Variants in FUCA2 observed in about 807,000 individuals in gnomAD.
FUCA2 encodes the protein plasma alpha-L-fucosidase.
A neutral mutation model predicts 52.6 loss-of-function variants in FUCA2; 41 were observed. The ratio of observed to expected loss-of-function variants is 0.78; its 90% CI spans 0.61 to 1.01. The LOEUF is 1.01. Among genes scored for constraint, FUCA2 ranks in the 50% least tolerant of loss-of-function variants. FUCA2 has a pLI of 0.00. For missense variants in FUCA2, 507 were observed against 569.5 expected, an observed-to-expected ratio of 0.89 and a Z score of 1.12; for synonymous variants, 211 against 217.3, an observed-to-expected ratio of 0.97 and a Z score of 0.26.
Position 143,502,724 on chromosome 6 carries a change from T to A in FUCA2, c.753-159A>T. 1.6e-6 allele frequency: 1 copy of A among 625,604 alleles called. No homozygotes were observed. The allele number at this position is 625,604 out of a possible 1,614,324, so 38.8% of individuals were successfully genotyped here. On this transcript the variant is annotated intron_variant, in intron 3 of 6. Transcript: ENST00000002165. This position sits in a 1 kb window ranked among gnomAD's most constrained non-coding sequence, Gnocchi z 4.1. ...GGTTTTGAAGTCAAACAGACCTGAG[T>A]TGATTGGAGTTCTGGCTTTGTCACT...
Position 143,507,771 on chromosome 6 carries a change from G to T in FUCA2, c.225-347C>A, listed in dbSNP as rs972967204. 6.6e-6 allele frequency among the ~76,000 whole-genome samples: 1 copy of T among 152,062 alleles called. No individual in the cohort carries two copies. The highest frequency in any genetic ancestry group is 1.5e-5 in the Non-Finnish European group (1 of 68,032). Reference sequence around the variant, plus strand: ...TGCAACCTTGACCTCCTGTGCTCAAGCAATCCTCTCGCCTTAGCCTCCTGA... The same window carrying T: ...TGCAACCTTGACCTCCTGTGCTCAATCAATCCTCTCGCCTTAGCCTCCTGA... On this transcript the variant is annotated intron_variant, in intron 1 of 6. Coordinates refer to ENST00000002165, the MANE Select transcript of FUCA2 (RefSeq NM_032020.5). This position sits in a 1 kb window ranked among gnomAD's most constrained non-coding sequence, Gnocchi z 4.5.
Position 143,503,653 on chromosome 6 carries a change from C to T in FUCA2, c.752+260G>A. The T allele has an allele frequency of 5.4e-6, 2 of 369,396 alleles. No homozygotes were observed. The highest frequency in any genetic ancestry group is 4.9e-5 in the East Asian group (1 of 20,428). 22.9% of individuals were successfully genotyped at this position (369,396 alleles called of 1,614,324 possible). ...AAAAAGGGGGGACCCACAAAATTAA[C>T]ACCTTCAAAGTTCTTGATCCTGTGA... On this transcript the variant is annotated intron_variant, in intron 3 of 6. Coordinates refer to ENST00000002165, the MANE Select transcript of FUCA2 (RefSeq NM_032020.5). This position sits in a 1 kb window ranked among gnomAD's most constrained non-coding sequence, Gnocchi z 4.8.
In FUCA2 at chr6:143,510,159, C is replaced by A. The variant is rs893067792; in HGVS notation, c.224+1252G>T. 6.6e-6 allele frequency among the ~76,000 whole-genome samples: 1 copy of A among 152,028 alleles called. No individual in the cohort carries two copies. The highest frequency in any genetic ancestry group is 1.5e-5 in the Non-Finnish European group (1 of 68,006). ...ATTTAATTCTTGGACCCAGCAGAGACCCTAACAGAATGGAGGTGTAATTTT... is the reference window on the plus strand; with the variant it reads ...ATTTAATTCTTGGACCCAGCAGAGAACCTAACAGAATGGAGGTGTAATTTT... On this transcript the variant is annotated intron_variant, in intron 1 of 6. Transcript: ENST00000002165. This position sits in a 1 kb window ranked among gnomAD's most constrained non-coding sequence, Gnocchi z 4.4.
Position 143,507,401 on chromosome 6 carries a change from A to G in FUCA2, c.248T>C (p.Ile83Thr), listed in dbSNP as rs144272583. Residue 83 changes from isoleucine to threonine, a missense_variant, in exon 2 of 7, where the codon ATA (isoleucine) becomes ACA (threonine). Ile to Thr is a moderately conservative substitution (Grantham distance 89, BLOSUM62 -1). Transcript: ENST00000002165. The surrounding 1 kb of genome is among the most constrained non-coding windows in gnomAD (Gnocchi z 4.5). The stretch of plus-strand genomic sequence containing the variant: ...TTTCATAAATTCCACATACTTCGGT[A>G]TCTTTTCCTTTTGCCAATACCACCT... Reference protein sequence around the residue: ...WFWWYWQKEKIPKYVEFMKDN... With the variant: ...WFWWYWQKEKTPKYVEFMKDN... 8.8e-6 allele frequency: 14 copies of G among 1,599,952 alleles called. No individual in the cohort carries two copies. The Admixed American group carries it at 1.3e-4, about 14-fold the overall frequency.
chr6:143,508,766 T>C (rs1369440310), intron 1 of FUCA2, among the ~76,000 whole-genome samples: 2 of 152,264 alleles, frequency 1.3e-5, no homozygotes, highest in African/African-American at 4.8e-5. Context: ...GCCCGTGTCT[T>C]TGATTTCATC....
chr6:143,511,563 CG>C lies in FUCA2; in HGVS notation c.71del (p.Pro24ArgfsTer67). On this transcript the variant is annotated frameshift_variant, in exon 1 of 7. Transcript: ENST00000002165. LOFTEE classifies it high-confidence loss of function. The surrounding 1 kb of genome is among the most constrained non-coding windows in gnomAD (Gnocchi z 6.3). Reference protein sequence around the residue: ...LLLLLLLLPPPPCPAHSATRF... With the variant: ...LLLLLLLLPPXPCPAHSATRF... ...GCGTGGCGCTGTGGGCAGGGCACGG[CG>C]GCGGCGGCAGCAGCAGCAACAGCAA... The C allele has an allele frequency of 6.4e-7, 1 of 1,567,660 alleles. No homozygotes were observed. The highest frequency in any genetic ancestry group is 8.6e-7 in the Non-Finnish European group (1 of 1,156,966).
intron 5 of FUCA2, among the ~76,000 whole-genome samples, chr6:143,498,487 C>T (rs1173790020): frequency 1.3e-4 from 20 of 152,014 alleles, no homozygotes; most frequent in Admixed American, 1.3e-3. Context: ...ACCATGGGAG[C>T]GCCATAAGAG....
chr6:143,503,509 C>A lies in FUCA2; in HGVS notation c.752+404G>T. ...ACATTGGCTGGGCAGCAAAGATGAC[C>A]AAAAGGTAAGAGGATAAAAAGAAGC... On this transcript the variant is annotated intron_variant, in intron 3 of 6. Coordinates refer to ENST00000002165, the MANE Select transcript of FUCA2 (RefSeq NM_032020.5). The surrounding 1 kb of genome is among the most constrained non-coding windows in gnomAD (Gnocchi z 4.8). The A allele has an allele frequency of 6.3e-6, 1 of 157,752 alleles. No individual in the cohort carries two copies. The highest frequency in any genetic ancestry group is 1.9e-4 in the South Asian group (1 of 5,152). 9.8% of individuals were successfully genotyped at this position (157,752 alleles called of 1,614,324 possible).
At position 143,497,301 on chromosome 6, in the gene FUCA2, CAGTT is replaced by C; in HGVS notation, c.1263+84_1263+87del. ...TTCCTTTTATGAAGTATAAGTGAAA[CAGTT>C]ATAAGGCTCCCCTTAAAAGTTAATG... On this transcript the variant is annotated intron_variant, in intron 6 of 6. Transcript: ENST00000002165. This position sits in a 1 kb window ranked among gnomAD's most constrained non-coding sequence, Gnocchi z 5.3. 1 of 836,530 alleles carries C rather than the reference CAGTT, an allele frequency of 1.2e-6. No homozygotes were observed. The highest frequency in any genetic ancestry group is 2.0e-6 in the Non-Finnish European group (1 of 489,932). The allele number at this position is 836,530 out of a possible 1,614,324, so 51.8% of individuals were successfully genotyped here.
In FUCA2 at chr6:143,504,356, A is replaced by G; in HGVS notation, c.413-104T>C. 1 of 911,898 alleles carries G rather than the reference A, an allele frequency of 1.1e-6. No individual in the cohort carries two copies. 56.5% of individuals were successfully genotyped at this position (911,898 alleles called of 1,614,324 possible). A position where few individuals can be genotyped will look rare whatever the true frequency, so the allele number is the denominator to read the frequency against. ...AAATCACATAGTACATGCGATATATAAATACCTGCTCCTACAAATGACTGT... is the reference window on the plus strand; with the variant it reads ...AAATCACATAGTACATGCGATATATGAATACCTGCTCCTACAAATGACTGT... On this transcript the variant is annotated intron_variant, in intron 2 of 6. Transcript: ENST00000002165. This position sits in a 1 kb window ranked among gnomAD's most constrained non-coding sequence, Gnocchi z 4.4.
Position 143,502,091 on chromosome 6 carries a change from T to C in FUCA2, c.995A>G (p.Asn332Ser). ...QLVETVSCGGNLLMNIGPTLD... is the reference protein window; with the variant it reads ...QLVETVSCGGSLLMNIGPTLD... ...TGTGGGCCCAATATTCATCAAAAGATTTCCTCCACATGAAACTGTCTCTAC... is the reference window on the plus strand; with the variant it reads ...TGTGGGCCCAATATTCATCAAAAGACTTCCTCCACATGAAACTGTCTCTAC... The change falls in exon 5 of 7, where the codon AAT becomes AGT. Residue 332 changes from asparagine (N) to serine (S), a missense_variant. Asn to Ser is a conservative substitution (Grantham distance 46). Coordinates refer to ENST00000002165, the MANE Select transcript of FUCA2 (RefSeq NM_032020.5). The surrounding 1 kb of genome is among the most constrained non-coding windows in gnomAD (Gnocchi z 4.1). The C allele has an allele frequency of 6.2e-7, 1 of 1,611,206 alleles. No homozygotes were observed. Among genetic ancestry groups the C allele is most frequent in the Non-Finnish European group, 8.5e-7 (1 of 1,178,846 alleles).
At position 143,495,664 on chromosome 6, in the gene FUCA2, T is replaced by C. The variant is rs1780447131; in HGVS notation, c.*43A>G. 6.3e-7 allele frequency: 1 copy of C among 1,585,048 alleles called. No individual in the cohort carries two copies. Among genetic ancestry groups the C allele is most frequent in the South Asian group, 1.1e-5 (1 of 88,456 alleles). ...ACAATTATAGACACCTGATAGTTCCTAGCCTTAGACATAACTTGCAGCATC... is the reference window on the plus strand; with the variant it reads ...ACAATTATAGACACCTGATAGTTCCCAGCCTTAGACATAACTTGCAGCATC... On this transcript the variant is annotated 3_prime_UTR_variant, in exon 7 of 7. Coordinates refer to ENST00000002165, the MANE Select transcript of FUCA2 (RefSeq NM_032020.5). The surrounding 1 kb of genome is among the most constrained non-coding windows in gnomAD (Gnocchi z 5.2).
chr6:143,510,056 C>T lies in FUCA2; in HGVS notation c.224+1355G>A, dbSNP rs1780661721. ...AAGGCAACATCCTAAGCTTCAAAGA[C>T]AAGAAGTAGAATACTGTACAGAACT... On this transcript the variant is annotated intron_variant, in intron 1 of 6. Transcript: ENST00000002165. This position sits in a 1 kb window ranked among gnomAD's most constrained non-coding sequence, Gnocchi z 4.4. Among the ~76,000 whole-genome samples, 1 of 152,168 alleles carries T rather than the reference C, an allele frequency of 6.6e-6. No homozygotes were observed. The highest frequency in any genetic ancestry group is 2.4e-5 in the African/African-American group (1 of 41,424).
rs1347907496 is a variant in FUCA2 at position 143,503,231 on chromosome 6, T to C, written c.753-666A>G. 6.6e-6 allele frequency: 1 copy of C among 152,498 alleles called. No individual in the cohort carries two copies. Among genetic ancestry groups the C allele is most frequent in the Non-Finnish European group, 1.5e-5 (1 of 68,304 alleles). The allele number at this position is 152,498 out of a possible 1,614,324, so 9.4% of individuals were successfully genotyped here. ...TGCTGTTTTAAGTATCAAGAGTTCT[T>C]CAGAATATTTGTATTTGTGCCCTTT... is the stretch of plus-strand genomic sequence containing the variant. On this transcript the variant is annotated intron_variant, in intron 3 of 6. Coordinates refer to ENST00000002165, the MANE Select transcript of FUCA2 (RefSeq NM_032020.5). The surrounding 1 kb of genome is among the most constrained non-coding windows in gnomAD (Gnocchi z 4.8).
In FUCA2 at chr6:143,511,506, G is replaced by T. The variant is rs1178995313; in HGVS notation, c.129C>A (p.Ala43=). 6.3e-6 allele frequency: 10 copies of T among 1,598,464 alleles called. No homozygotes were observed. Among genetic ancestry groups the T allele is most frequent in the Non-Finnish European group, 8.5e-6 (10 of 1,172,764 alleles). ...RFDPTWESLD[A]RQLPAWFDQA... Reference sequence around the variant, plus strand: ...GGTCAAACCACGCGGGCAGCTGGCGGGCGTCCAGGGACTCCCAGGTGGGGT... The same window carrying T: ...GGTCAAACCACGCGGGCAGCTGGCGTGCGTCCAGGGACTCCCAGGTGGGGT... Residue 43 remains alanine (A), a synonymous_variant, in exon 1 of 7, where the codon GCC becomes GCA. Coordinates refer to ENST00000002165, the MANE Select transcript of FUCA2 (RefSeq NM_032020.5). The surrounding 1 kb of genome is among the most constrained non-coding windows in gnomAD (Gnocchi z 6.3).
rs1464471065 is a variant in FUCA2 at position 143,507,874 on chromosome 6, G to T, written c.225-450C>A. 1.3e-5 allele frequency among the ~76,000 whole-genome samples: 2 copies of T among 151,810 alleles called. No individual in the cohort carries two copies. The highest frequency in any genetic ancestry group is 2.9e-5 in the Non-Finnish European group (2 of 67,976). On this transcript the variant is annotated intron_variant, in intron 1 of 6. Transcript: ENST00000002165. The surrounding 1 kb of genome is among the most constrained non-coding windows in gnomAD (Gnocchi z 4.5). ...TGTAGAGATGTGGTTTCCATATGTTGCCCAGGCTGGTCTTAAACTCCTGGG... is the reference window on the plus strand; with the variant it reads ...TGTAGAGATGTGGTTTCCATATGTTTCCCAGGCTGGTCTTAAACTCCTGGG...
Position 143,502,013 on chromosome 6 carries a change from G to C in FUCA2, c.1073C>G (p.Ser358Cys), listed in dbSNP as rs144682071. 6.2e-6 allele frequency: 10 copies of C among 1,613,674 alleles called. No individual in the cohort carries two copies. In the African/African-American group the frequency reaches 1.3e-4, roughly 22 times the overall value. The stretch of plus-strand genomic sequence containing the variant: ...AGCTTCTCCATTGACTTTTAGCCAG[G>C]ACCCCATTTGCCTCAGTCGCTCCTC... ...VFEERLRQMG[S>C]WLKVNGEAIY... The change falls in exon 5 of 7, where the codon TCC becomes TGC. Residue 358 changes from serine to cysteine, a missense_variant. Transcript: ENST00000002165. This position sits in a 1 kb window ranked among gnomAD's most constrained non-coding sequence, Gnocchi z 4.1.
rs1376131347 is a variant in FUCA2 at position 143,509,729 on chromosome 6, T to A, written c.224+1682A>T. 6.6e-6 allele frequency among the ~76,000 whole-genome samples: 1 copy of A among 152,214 alleles called. No individual in the cohort carries two copies. Among genetic ancestry groups the A allele is most frequent in the African/African-American group, 2.4e-5 (1 of 41,456 alleles). ...TTGTAACATCTTTTTGAAGTAGCTATGTTTTGGCATAAGAATAAAGAGTCT... is the reference window on the plus strand; with the variant it reads ...TTGTAACATCTTTTTGAAGTAGCTAAGTTTTGGCATAAGAATAAAGAGTCT... On this transcript the variant is annotated intron_variant, in intron 1 of 6. Coordinates refer to ENST00000002165, the MANE Select transcript of FUCA2 (RefSeq NM_032020.5). The surrounding 1 kb of genome is among the most constrained non-coding windows in gnomAD (Gnocchi z 5.4).
chr6:143,505,176 A>T (rs953723005), intron 2 of FUCA2: 1 of 152,198 alleles, frequency 6.6e-6, no homozygotes, highest in Non-Finnish European at 1.5e-5. Flanking sequence ...GTGCCTAGAG[A>T]CTTAAATACA....
Sources: allele counts gnomAD v4.1 joint callset (sites outside exome capture counted in the v4.1 genomes callset), GRCh38; gene constraint gnomAD v4.1.1; non-coding constraint Gnocchi (gnomAD v3.1); transcripts MANE v1.5; gene names NCBI Gene and HGNC (gene_info 2026-07-23, HGNC 2026-07-21).